Variants in CCM2 observed in about 807,000 individuals in gnomAD.
CCM2 encodes CCM2 scaffold protein.
CCM2 carries 25 observed loss-of-function variants against 44.9 expected under a neutral mutation model. That is an observed-to-expected ratio of 0.56 (90% CI 0.41 to 0.78). CCM2 has a LOEUF of 0.78. CCM2 is among the 30% of genes least tolerant of loss of function. The pLI is 0.00. For synonymous variants in CCM2, 219 were observed against 241.1 expected (o/e 0.91, Z 0.85); for missense variants, 481 against 580.6 (o/e 0.83, Z 1.76).
At position 45,004,534 on chromosome 7, in the gene CCM2, G is replaced by C. The variant is rs190459539; in HGVS notation, c.30+4171G>C. 5.0e-3 allele frequency among the ~76,000 whole-genome samples: 768 copies of C among 152,324 alleles called. 6 individuals carry two copies. The highest frequency in any genetic ancestry group is 0.018 in the African/African-American group (741 of 41,576). On this transcript the variant is annotated intron_variant, in intron 1 of 9. Transcript: ENST00000258781. ...GACCAGTGTCTGTGAGGAACTGAAAGCTTGGATTGGACCAGTACCTTTTAA... is the reference window on the plus strand; with the variant it reads ...GACCAGTGTCTGTGAGGAACTGAAACCTTGGATTGGACCAGTACCTTTTAA...
intron 6 of CCM2, chr7:45,071,139 A>G (rs1799050452): frequency 6.6e-6 from 1 of 152,196 alleles, no homozygotes; most frequent in South Asian, 2.1e-4. Flanking sequence ...CATTTTAGAG[A>G]TGGGGAAGTG....
At chr7:45,018,068 A>G (rs1284294492) in intron 1 of CCM2, among the ~76,000 whole-genome samples, 14 of 148,298 alleles carry the variant, frequency 9.4e-5, no homozygotes, top group Admixed American at 3.4e-4. Flanking sequence ...TGAAACTTCC[A>G]TATCAGATCA....
intron 1 of CCM2, 36 bp downstream of exon 1, chr7:45,000,399 G>C: frequency 8.0e-7 from 1 of 1,254,126 alleles, no homozygotes; most frequent in Non-Finnish European, 1.0e-6. Flanking sequence ...TGCTGTGGTC[G>C]GCGGGCGGCT....
At chr7:45,027,038 T>TGG in intron 1 of CCM2, 1 of 155,704 alleles carries the variant, frequency 6.4e-6, no homozygotes, top group Non-Finnish European at 1.4e-5. Context: ...AGAAGTGAGC[T>TGG]TGGCCAGAGG....
intron 1 of CCM2, among the ~76,000 whole-genome samples, chr7:45,021,077 C>T (rs1490044149): frequency 6.6e-6 from 1 of 151,966 alleles, no homozygotes; most frequent in Non-Finnish European, 1.5e-5. Flanking sequence ...GTCAGAAGGG[C>T]AGAGGTCAGG....
At chr7:45,004,975 G>T (rs552504247) in intron 1 of CCM2, among the ~76,000 whole-genome samples, 2 of 143,786 alleles carry the variant, frequency 1.4e-5, no homozygotes, top group African/African-American at 5.3e-5. Context: ...CAGCCTGGGC[G>T]ACAAGAGTAA....
chr7:45,010,014 A>C (rs965810357), intron 1 of CCM2, among the ~76,000 whole-genome samples: 3 of 151,580 alleles, frequency 2.0e-5, no homozygotes, highest in African/African-American at 7.3e-5. Flanking sequence ...GACTCAAGTG[A>C]TCCTCCCGCC....
rs1208507300 is a variant in CCM2, at chr7:45,070,063, C to G, written c.745+102C>G. Reference sequence around the variant, plus strand: ...AGTTACTCCTGGAATAGCGCAGTTACTGCCGTGACATGGTGGCCTTTTGTT... The same window carrying G: ...AGTTACTCCTGGAATAGCGCAGTTAGTGCCGTGACATGGTGGCCTTTTGTT... On this transcript the variant is annotated intron_variant, in intron 6 of 9. Coordinates refer to ENST00000258781, the MANE Select transcript of CCM2 (RefSeq NM_031443.4). 8.9e-6 allele frequency: 13 copies of G among 1,458,878 alleles called. No homozygotes were observed. The South Asian group carries it at 1.5e-4, about 17-fold the overall frequency. The allele number at this position is 1,458,878 out of a possible 1,614,324, so 90.4% of individuals were successfully genotyped here. A position where few individuals can be genotyped will look rare whatever the true frequency, so the allele number is the denominator to read the frequency against.
At chr7:45,054,364 A>G (rs1050176477) in intron 2 of CCM2, among the ~76,000 whole-genome samples, 7 of 152,118 alleles carry the variant, frequency 4.6e-5, no homozygotes, top group Non-Finnish European at 7.3e-5. Flanking sequence ...TTACCCAGCT[A>G]TCCCCATCCC....
intron 1 of CCM2, among the ~76,000 whole-genome samples, chr7:45,034,935 T>C (rs1797146604): frequency 6.6e-6 from 1 of 150,784 alleles, no homozygotes; most frequent in African/African-American, 2.4e-5. Flanking sequence ...CCTACCGGGC[T>C]CAAGCAACCT....
At chr7:45,047,513 G>A (rs1181337161) in intron 2 of CCM2, among the ~76,000 whole-genome samples, 2 of 152,172 alleles carry the variant, frequency 1.3e-5, no homozygotes, top group Non-Finnish European at 2.9e-5. Flanking sequence ...CTCCATCCTG[G>A]ATGACAGTGA....
chr7:45,042,523 A>G (rs1016562943), intron 2 of CCM2, among the ~76,000 whole-genome samples: 11 of 152,038 alleles, frequency 7.2e-5, no homozygotes, highest in Non-Finnish European at 1.5e-5. Context: ...ACAACAAAAA[A>G]TCTTGAAAGT....
At chr7:45,034,635 C>A (rs970402656) in intron 1 of CCM2, among the ~76,000 whole-genome samples, 3 of 150,274 alleles carry the variant, frequency 2.0e-5, no homozygotes, top group Non-Finnish European at 2.9e-5. Flanking sequence ...TCTCCTGCCT[C>A]AGCCTCCCAA....
At position 45,076,149 on chromosome 7, in the gene CCM2, G is replaced by A. The variant is rs752428851; in HGVS notation, c.*92G>A. The A allele has an allele frequency of 1.3e-6, 2 of 1,571,366 alleles. No individual in the cohort carries two copies. The highest frequency in any genetic ancestry group is 2.7e-5 in the African/African-American group (2 of 74,288). On this transcript the variant is annotated 3_prime_UTR_variant, in exon 10 of 10. Transcript: ENST00000258781. Reference sequence around the variant, plus strand: ...GCCCAGACCTGCGTGTCAGCCCTTGGTGGTGGCCAGGGAGAGGCGCCCGGT... The same window carrying A: ...GCCCAGACCTGCGTGTCAGCCCTTGATGGTGGCCAGGGAGAGGCGCCCGGT...
At chr7:45,037,326 T>G (rs1797270992) in intron 1 of CCM2, among the ~76,000 whole-genome samples, 2 of 152,008 alleles carry the variant, frequency 1.3e-5, no homozygotes, top group Admixed American at 1.3e-4. Context: ...GATTGCAGGA[T>G]TAGCCTTCAG....
intron 1 of CCM2, among the ~76,000 whole-genome samples, chr7:45,020,561 G>A (rs1268269041): frequency 6.6e-6 from 1 of 152,158 alleles, no homozygotes; most frequent in Non-Finnish European, 1.5e-5. Context: ...TGTATGTAAT[G>A]CATCTGTAGG....
At chr7:45,027,482 G>C (rs1181192159) in intron 1 of CCM2, 3 of 698,166 alleles carry the variant, frequency 4.3e-6, no homozygotes, top group Non-Finnish European at 7.0e-6. Context: ...TAGGGAAAAT[G>C]AGCTGGTTTA....
intron 1 of CCM2, among the ~76,000 whole-genome samples, chr7:45,007,375 C>A (rs1001224793): frequency 1.1e-4 from 17 of 152,296 alleles, no homozygotes; most frequent in African/African-American, 3.8e-4. Flanking sequence ...GCTTCGCACT[C>A]CTTGGCTTTT....
chr7:45,072,806 C>G, intron 7 of CCM2, 23 bp downstream of exon 7: 1 of 1,597,274 alleles, frequency 6.3e-7, no homozygotes, highest in Non-Finnish European at 8.6e-7. Flanking sequence ...GCCACCAAGC[C>G]CTGCGGTGGG....
Sources: gnomAD v4.1 joint callset for allele counts (sites outside exome capture counted in the v4.1 genomes callset) on GRCh38, gnomAD v4.1.1 for gene constraint, MANE v1.5 for transcripts, NCBI Gene and HGNC (gene_info 2026-07-23, HGNC 2026-07-21) for gene names.